Variants in RYR3 observed in about 807,000 individuals in gnomAD.
The protein encoded by RYR3 is ryanodine receptor 3.
Under a neutral mutation model 584.3 loss-of-function variants are expected in RYR3, and 207 were observed. That is an observed-to-expected ratio of 0.35 (90% confidence interval 0.32 to 0.40). The LOEUF (loss-of-function observed/expected upper bound fraction) is 0.40, where lower values mean the gene tolerates loss of function less well. Among genes scored for constraint, RYR3 ranks in the 10% least tolerant of loss-of-function variants. The probability of loss-of-function intolerance (pLI) is 1.00; values close to 1 mark genes in which losing one functional copy is unlikely to be tolerated. For missense variants in RYR3, 5,616 were observed against 6,089.2 expected (o/e 0.92, Z 2.59); for synonymous variants, 2,416 against 2,248.5 (o/e 1.07, Z -2.11).
intron 10 of RYR3, among the ~76,000 whole-genome samples, chr15:33,558,189 T>C (rs768121205): frequency 2.0e-5 from 3 of 152,198 alleles, no homozygotes; most frequent in Non-Finnish European, 1.5e-5. Context: ...GTTGGTGTGC[T>C]GCACCCATTA....
chr15:33,460,939 C>CTTTTTT (rs1265643276), intron 1 of RYR3, among the ~76,000 whole-genome samples: 1 of 63,500 alleles, frequency 1.6e-5, no homozygotes, highest in Admixed American at 1.5e-4. Flanking sequence ...ATAATATCCA[C>CTTTTTT]CTTTTTTTTT....
At chr15:33,545,963 C>T (rs1416653541) in intron 8 of RYR3, among the ~76,000 whole-genome samples, 1 of 152,152 alleles carries the variant, frequency 6.6e-6, no homozygotes, top group African/African-American at 2.4e-5. Context: ...TTGGCTTTGC[C>T]TCTGGCTTGT....
At chr15:33,719,368 T>C (rs1265651962) in intron 43 of RYR3, among the ~76,000 whole-genome samples, 1 of 152,194 alleles carries the variant, frequency 6.6e-6, no homozygotes, top group Admixed American at 6.5e-5. Context: ...CTGCATATTG[T>C]GGTTTTATAT....
chr15:33,392,362 A>G (rs748424865), intron 1 of RYR3, among the ~76,000 whole-genome samples: 3 of 151,436 alleles, frequency 2.0e-5, no homozygotes, highest in Non-Finnish European at 2.9e-5. Context: ...AGGCTGGAGC[A>G]CAAGTCGTTT....
At chr15:33,437,656 G>C (rs1331777243) in intron 1 of RYR3, among the ~76,000 whole-genome samples, 1 of 152,210 alleles carries the variant, frequency 6.6e-6, no homozygotes, top group Non-Finnish European at 1.5e-5. Flanking sequence ...CTCTGCCACA[G>C]TGGCCTGTTT....
At chr15:33,526,740 G>A (rs2054424357) in intron 3 of RYR3, among the ~76,000 whole-genome samples, 1 of 151,862 alleles carries the variant, frequency 6.6e-6, no homozygotes, top group Non-Finnish European at 1.5e-5. Context: ...CTATGGTGCC[G>A]GGCACTGACA....
At chr15:33,330,807 G>C (rs1335546581) in intron 1 of RYR3, among the ~76,000 whole-genome samples, 1 of 152,152 alleles carries the variant, frequency 6.6e-6, no homozygotes, top group Non-Finnish European at 1.5e-5. Context: ...CTTATAGATA[G>C]AGTGTATAGC....
In RYR3 at chr15:33,562,971, A is replaced by C. The variant is rs778441363; in HGVS notation, c.1107A>C (p.Gln369His). 1.2e-6 allele frequency: 2 copies of C among 1,612,656 alleles called. No homozygotes were observed. Among genetic ancestry groups the C allele is most frequent in the South Asian group, 2.2e-5 (2 of 90,734 alleles). Residue 369 changes from glutamine (Q) to histidine (H), a missense_variant, in exon 11 of 104, where the codon CAA becomes CAC. Transcript: ENST00000634891. Reference sequence around the variant, plus strand: ...GTCTGTGGGTGACCTACAAAGCACAAGACGCCAAAACTTCCCGCCTGGGAC... The same window carrying C: ...GTCTGTGGGTGACCTACAAAGCACACGACGCCAAAACTTCCCGCCTGGGAC... Reference protein sequence around the residue: ...ASGLWVTYKAQDAKTSRLGPL... With the variant: ...ASGLWVTYKAHDAKTSRLGPL...
At chr15:33,719,674 C>A (rs150284386) in intron 43 of RYR3, among the ~76,000 whole-genome samples, 1 of 152,206 alleles carries the variant, frequency 6.6e-6, no homozygotes, top group Non-Finnish European at 1.5e-5. Context: ...CTGTGAGATA[C>A]GTCCATGTCT....
intron 4 of RYR3, 110 bp from the exon 5 acceptor site, chr15:33,533,201 C>A: frequency 1.5e-6 from 1 of 683,158 alleles, no homozygotes; most frequent in Non-Finnish European, 2.6e-6. Context: ...ATAAATAGAG[C>A]TGTCTTCACA....
At chr15:33,853,298 C>T (rs994607448) in intron 95 of RYR3, among the ~76,000 whole-genome samples, 3 of 152,200 alleles carry the variant, frequency 2.0e-5, no homozygotes, top group African/African-American at 7.2e-5. Context: ...TTAACACAGT[C>T]CTCATTGTTT....
At chr15:33,466,373 C>T (rs1323960818) in intron 1 of RYR3, among the ~76,000 whole-genome samples, 1 of 152,176 alleles carries the variant, frequency 6.6e-6, no homozygotes, top group Non-Finnish European at 1.5e-5. Flanking sequence ...ATAAATAAGT[C>T]TGTCAATTTG....
intron 1 of RYR3, among the ~76,000 whole-genome samples, chr15:33,374,491 A>G (rs1026088940): frequency 6.6e-6 from 1 of 152,068 alleles, no homozygotes; most frequent in Non-Finnish European, 1.5e-5. Context: ...GTCAGTGCCA[A>G]CTATGCCTTC....
intron 87 of RYR3, among the ~76,000 whole-genome samples, chr15:33,836,198 G>A: frequency 2.7e-5 from 1 of 36,548 alleles, no homozygotes; most frequent in East Asian, 4.6e-4. Context: ...CCTTTTTTTT[G>A]TGAGGGGGGG....
intron 1 of RYR3, among the ~76,000 whole-genome samples, chr15:33,427,101 T>G (rs928118170): frequency 6.6e-6 from 1 of 152,172 alleles, no homozygotes; most frequent in South Asian, 2.1e-4. Flanking sequence ...CTGGGTTCTA[T>G]AGTTACCAGC....
chr15:33,336,417 CGAAAGAAAGAAA>C (rs1555430643), intron 1 of RYR3, among the ~76,000 whole-genome samples: 9 of 31,650 alleles, frequency 2.8e-4, no homozygotes, highest in South Asian at 2.4e-3. Context: ...CAGAGCGAGA[CGAAAGAAAGAAA>C]GAAAGAAAGA....
chr15:33,771,151 A>T (rs2073537371), intron 62 of RYR3, among the ~76,000 whole-genome samples: 2 of 152,210 alleles, frequency 1.3e-5, no homozygotes, highest in African/African-American at 4.8e-5. Flanking sequence ...ACTAACAGAA[A>T]TCTAAGCTTC....
intron 5 of RYR3, 61 bp downstream of exon 5, chr15:33,533,450 A>T: frequency 8.5e-7 from 1 of 1,176,742 alleles, no homozygotes; most frequent in Non-Finnish European, 1.2e-6. Context: ...GGGGCTTTTG[A>T]GAAGGACCCT....
chr15:33,696,099 A>G, intron 38 of RYR3, 119 bp from the exon 39 acceptor site: 1 of 937,618 alleles, frequency 1.1e-6, no homozygotes, highest in Non-Finnish European at 1.6e-6. Flanking sequence ...ATTGCCTATA[A>G]TAAGAATTTT....
Sources: gnomAD v4.1 joint callset for allele counts (sites outside exome capture counted in the v4.1 genomes callset) on GRCh38, gnomAD v4.1.1 for gene constraint, MANE v1.5 for transcripts, NCBI Gene and HGNC (gene_info 2026-07-23, HGNC 2026-07-21) for gene names.